The following MSRA variants were observed in gnomAD, a reference collection of about 807,000 sequenced individuals.
MSRA encodes the protein mitochondrial peptide methionine sulfoxide reductase.
A neutral mutation model predicts 31.3 loss-of-function variants in MSRA; 54 were observed. That is an observed-to-expected ratio of 1.73 (90% CI 1.39 to 2.17). The LOEUF (loss-of-function observed/expected upper bound fraction) is 2.17. Ranked by LOEUF, MSRA falls within the 30% of genes most tolerant of loss-of-function variation. MSRA has a pLI of 0.00. For synonymous variants in MSRA, 169 were observed against 116.5 expected (o/e 1.45, Z -2.90); for missense variants, 507 against 300.9 (o/e 1.69, Z -5.07).
intron 1 of MSRA, among the ~76,000 whole-genome samples, chr8:10,150,724 G>A (rs984766741): frequency 6.6e-6 from 1 of 152,120 alleles, no homozygotes; most frequent in African/African-American, 2.4e-5. Flanking sequence ...GTTCTGTCCC[G>A]TGTTCTGAAG....
intron 5 of MSRA, among the ~76,000 whole-genome samples, chr8:10,393,525 G>T (rs895391103): frequency 1.3e-5 from 2 of 152,188 alleles, no homozygotes; most frequent in African/African-American, 4.8e-5. Flanking sequence ...CACCGTGTAG[G>T]CATGGTGTTG....
chr8:10,209,534 T>C (rs1809292939), intron 2 of MSRA, among the ~76,000 whole-genome samples: 1 of 152,168 alleles, frequency 6.6e-6, no homozygotes, highest in Non-Finnish European at 1.5e-5. Flanking sequence ...TTTCTTTCTA[T>C]TTTTTATTTT....
At chr8:10,270,563 G>C (rs530567397) in intron 3 of MSRA, among the ~76,000 whole-genome samples, 40 of 152,304 alleles carry the variant, frequency 2.6e-4, no homozygotes, top group Non-Finnish European at 2.8e-4. Flanking sequence ...ACTGCTAGAG[G>C]AGGGAGGTCA....
chr8:10,299,711 C>G (rs1800740175), intron 3 of MSRA, among the ~76,000 whole-genome samples: 1 of 152,140 alleles, frequency 6.6e-6, no homozygotes, highest in Non-Finnish European at 1.5e-5. Flanking sequence ...TATCTTCCAG[C>G]TATGAATTGC....
At chr8:10,379,049 G>T (rs17151854) in intron 5 of MSRA, among the ~76,000 whole-genome samples, 28,420 of 152,044 alleles carry the variant, frequency 0.19, 3,359 homozygotes, top group African/African-American at 0.34. Flanking sequence ...TCACTTAACA[G>T]TATTAGTGCG....
At chr8:10,066,280 C>T (rs1027950293) in intron 1 of MSRA, among the ~76,000 whole-genome samples, 13 of 152,136 alleles carry the variant, frequency 8.5e-5, no homozygotes, top group African/African-American at 2.2e-4. Flanking sequence ...AGCCCCTCTG[C>T]CCGGCCAACT....
At chr8:10,384,695 A>G (rs772730486) in intron 5 of MSRA, among the ~76,000 whole-genome samples, 6 of 152,288 alleles carry the variant, frequency 3.9e-5, no homozygotes, top group Non-Finnish European at 8.8e-5. Flanking sequence ...TTGGAGTCCT[A>G]TTTGGAGAAC....
chr8:10,321,006 G>C (rs1802016495), intron 5 of MSRA, among the ~76,000 whole-genome samples: 1 of 152,164 alleles, frequency 6.6e-6, no homozygotes, highest in East Asian at 1.9e-4. Context: ...ATATCTTTTG[G>C]AGGGAGACAC....
At chr8:10,305,832 T>G (rs951360918) in intron 4 of MSRA, among the ~76,000 whole-genome samples, 1 of 152,188 alleles carries the variant, frequency 6.6e-6, no homozygotes, top group East Asian at 1.9e-4. Context: ...AGACAGTGAG[T>G]CTGAAGAGGA....
chr8:10,389,134 C>T (rs753761534), intron 5 of MSRA, among the ~76,000 whole-genome samples: 1 of 152,134 alleles, frequency 6.6e-6, no homozygotes, highest in South Asian at 2.1e-4. Context: ...TGGGTTAAAA[C>T]ACTCACCCAC....
At chr8:10,168,066 T>A (rs555740927) in intron 1 of MSRA, among the ~76,000 whole-genome samples, 67 of 152,284 alleles carry the variant, frequency 4.4e-4, no homozygotes, top group African/African-American at 1.6e-3. Context: ...CTCATCTATG[T>A]TACTTACTAG....
At chr8:10,204,185 AT>A (rs1808745281) in intron 1 of MSRA, among the ~76,000 whole-genome samples, 1 of 152,216 alleles carries the variant, frequency 6.6e-6, no homozygotes, top group Non-Finnish European at 1.5e-5. Flanking sequence ...AAAGTAAAAA[AT>A]AGTTTAAAAG....
At chr8:10,114,311 C>A (rs544142549) in intron 1 of MSRA, among the ~76,000 whole-genome samples, 1 of 152,046 alleles carries the variant, frequency 6.6e-6, no homozygotes, top group African/African-American at 2.4e-5. Context: ...CGGACAAGTT[C>A]TTGTGTGAAT....
intron 5 of MSRA, among the ~76,000 whole-genome samples, chr8:10,389,287 G>A (rs1331239390): frequency 6.6e-6 from 1 of 152,200 alleles, no homozygotes; most frequent in African/African-American, 2.4e-5. Flanking sequence ...TCCGAATGGA[G>A]GAGTGATAGA....
At chr8:10,178,234 T>C (rs1233094796) in intron 1 of MSRA, among the ~76,000 whole-genome samples, 2 of 152,192 alleles carry the variant, frequency 1.3e-5, no homozygotes, top group Non-Finnish European at 2.9e-5. Flanking sequence ...CACTTCCTGA[T>C]AGATTTCGCT....
intron 3 of MSRA, among the ~76,000 whole-genome samples, chr8:10,260,876 G>A (rs1798443879): frequency 6.6e-6 from 1 of 152,056 alleles, no homozygotes; most frequent in Non-Finnish European, 1.5e-5. Flanking sequence ...CAGTGGGAGA[G>A]GAAAATAACA....
chr8:10,070,250 C>G (rs1040353449), intron 1 of MSRA, among the ~76,000 whole-genome samples: 1 of 152,104 alleles, frequency 6.6e-6, no homozygotes, highest in African/African-American at 2.4e-5. Context: ...CTAAGTACAG[C>G]GTGGCAGCCG....
intron 1 of MSRA, among the ~76,000 whole-genome samples, chr8:10,149,377 G>A (rs1273398203): frequency 2.6e-5 from 4 of 152,160 alleles, no homozygotes; most frequent in Non-Finnish European, 5.9e-5. Context: ...GCCCGCCTCG[G>A]CCTCCCAAAG....
intron 1 of MSRA, among the ~76,000 whole-genome samples, chr8:10,150,735 C>A (rs1044641659): frequency 6.6e-6 from 1 of 152,088 alleles, no homozygotes; most frequent in Non-Finnish European, 1.5e-5. Context: ...TGTTCTGAAG[C>A]CTGTTCTTTC....
Sources: allele counts gnomAD v4.1 joint callset (sites outside exome capture counted in the v4.1 genomes callset), GRCh38; gene constraint gnomAD v4.1.1; transcripts MANE v1.5; gene names NCBI Gene and HGNC (gene_info 2026-07-23, HGNC 2026-07-21).